The following TRHDE variants were observed in gnomAD, a reference collection of about 807,000 sequenced individuals.
TRHDE encodes thyrotropin-releasing hormone-degrading ectoenzyme.
In TRHDE, 72 loss-of-function variants were observed where a neutral mutation model predicts 125.7. The ratio of observed to expected loss-of-function variants is 0.57; its 90% CI spans 0.47 to 0.70. The LOEUF is 0.70. Among genes scored for constraint, TRHDE ranks in the 30% least tolerant of loss-of-function variants. The pLI is 0.00. For missense variants in TRHDE, 1,110 were observed against 1,327.1 expected, an observed-to-expected ratio of 0.84 and a Z score of 2.54; for synonymous variants, 509 against 509.1, an observed-to-expected ratio of 1.00 and a Z score of 0.00.
intron 15 of TRHDE, among the ~76,000 whole-genome samples, chr12:72,645,356 G>C (rs1479152238): frequency 6.6e-6 from 1 of 152,130 alleles, no homozygotes; most frequent in Non-Finnish European, 1.5e-5. Flanking sequence ...TTAAACAGCA[G>C]ATCAGACTCG....
At chr12:72,284,829 T>C (rs1318520206) in intron 1 of TRHDE, among the ~76,000 whole-genome samples, 1 of 152,198 alleles carries the variant, frequency 6.6e-6, no homozygotes, top group African/African-American at 2.4e-5. Flanking sequence ...CTCATATTCA[T>C]ATGAAGATTT....
intron 4 of TRHDE, among the ~76,000 whole-genome samples, chr12:72,470,602 A>G (rs1178496919): frequency 6.6e-6 from 1 of 152,190 alleles, no homozygotes; most frequent in African/African-American, 2.4e-5. Context: ...ATAGACGTCC[A>G]TGCCAATAGA....
intron 2 of TRHDE, among the ~76,000 whole-genome samples, chr12:72,205,980 G>A (rs1049543500): frequency 1.3e-5 from 2 of 152,016 alleles, no homozygotes; most frequent in Non-Finnish European, 2.9e-5. Flanking sequence ...TACTGCACAA[G>A]GGTTTCAATT....
chr12:72,155,830 T>A (rs1304839730), intron 2 of TRHDE, among the ~76,000 whole-genome samples: 1 of 152,200 alleles, frequency 6.6e-6, no homozygotes, highest in Non-Finnish European at 1.5e-5. Flanking sequence ...GTTAGGCTAC[T>A]CTGGGGTCAG....
chr12:72,446,516 C>T (rs1875294747), intron 3 of TRHDE, among the ~76,000 whole-genome samples: 1 of 151,888 alleles, frequency 6.6e-6, no homozygotes, highest in East Asian at 1.9e-4. Context: ...CAATATTAAC[C>T]TTACATGTAA....
chr12:72,473,245 T>C, intron 5 of TRHDE, 65 bp downstream of exon 5: 2 of 1,260,972 alleles, frequency 1.6e-6, no homozygotes, highest in East Asian at 2.4e-5. Flanking sequence ...ATTAGGCTTA[T>C]ACCATCCTTA....
chr12:72,325,411 A>G (rs1284850461), intron 2 of TRHDE, among the ~76,000 whole-genome samples: 2 of 152,176 alleles, frequency 1.3e-5, no homozygotes, highest in Non-Finnish European at 2.9e-5. Context: ...ATTAAAACAA[A>G]TGAACAGTTC....
At chr12:72,504,085 A>G (rs747055021) in intron 6 of TRHDE, among the ~76,000 whole-genome samples, 3 of 152,176 alleles carry the variant, frequency 2.0e-5, no homozygotes, top group Non-Finnish European at 4.4e-5. Flanking sequence ...TATGACAGAA[A>G]TATATACAAG....
chr12:72,534,825 A>G (rs1156702926), intron 6 of TRHDE, among the ~76,000 whole-genome samples: 2 of 151,928 alleles, frequency 1.3e-5, no homozygotes, highest in African/African-American at 2.4e-5. Flanking sequence ...TAGGATCACA[A>G]AGGATTAACA....
intron 2 of TRHDE, among the ~76,000 whole-genome samples, chr12:72,368,454 T>C (rs1021221189): frequency 3.9e-5 from 6 of 152,168 alleles, no homozygotes; most frequent in African/African-American, 7.2e-5. Flanking sequence ...ATTTGAGTAA[T>C]TGCTCATCTT....
At chr12:72,554,450 T>C (rs1441775840) in intron 7 of TRHDE, among the ~76,000 whole-genome samples, 1 of 152,202 alleles carries the variant, frequency 6.6e-6, no homozygotes, top group Non-Finnish European at 1.5e-5. Context: ...GGAATCAGCA[T>C]GGGTTAATAA....
chr12:72,640,870 A>G (rs1874029064), intron 15 of TRHDE, among the ~76,000 whole-genome samples: 1 of 152,238 alleles, frequency 6.6e-6, no homozygotes, highest in Non-Finnish European at 1.5e-5. Flanking sequence ...CTCACTCTAA[A>G]TCAATGGCAC....
intron 2 of TRHDE, among the ~76,000 whole-genome samples, chr12:72,151,273 G>T (rs1228019793): frequency 7.9e-5 from 12 of 151,636 alleles, no homozygotes; most frequent in Non-Finnish European, 1.3e-4. Context: ...TTGTTTGAGT[G>T]CATTGTAGAT....
intron 7 of TRHDE, among the ~76,000 whole-genome samples, chr12:72,543,215 T>C (rs1467586718): frequency 1.3e-5 from 2 of 151,450 alleles, no homozygotes; most frequent in Admixed American, 1.3e-4. Flanking sequence ...ATTTTAGTAG[T>C]ATAATTCTAT....
intron 6 of TRHDE, among the ~76,000 whole-genome samples, chr12:72,504,113 G>A (rs1477857915): frequency 6.6e-6 from 1 of 152,080 alleles, no homozygotes; most frequent in Non-Finnish European, 1.5e-5. Context: ...CACGAGACAG[G>A]GGAGTAGAGG....
intron 3 of TRHDE, among the ~76,000 whole-genome samples, chr12:72,404,348 C>T (rs1873176986): frequency 6.6e-6 from 1 of 152,122 alleles, no homozygotes; most frequent in South Asian, 2.1e-4. Flanking sequence ...AGGAGAATTG[C>T]TTGACCTGGC....
At chr12:72,602,972 A>G (rs1345190397) in intron 12 of TRHDE, among the ~76,000 whole-genome samples, 1 of 152,188 alleles carries the variant, frequency 6.6e-6, no homozygotes, top group Non-Finnish European at 1.5e-5. Context: ...GTAGAAAAAT[A>G]CCAAAAGAAG....
intron 12 of TRHDE, among the ~76,000 whole-genome samples, chr12:72,597,771 A>AC (rs1463039527): frequency 3.0e-5 from 4 of 133,758 alleles, no homozygotes; most frequent in Non-Finnish European, 4.9e-5. Flanking sequence ...ATACACACAC[A>AC]AATACATATG....
In TRHDE at chr12:72,300,365, TACACAC is replaced by T. The variant is rs10642447; in HGVS notation, c.1188+13441_1188+13446del. Among the ~76,000 whole-genome samples, 642 of 102,732 alleles carry T rather than the reference TACACAC, an allele frequency of 6.2e-3. 3 individuals are homozygous for T. Among genetic ancestry groups the T allele is most frequent in the African/African-American group, 0.019 (550 of 29,270 alleles). The allele number at this position is 102,732 out of a possible 152,430, so 67.4% of individuals were successfully genotyped here. The stretch of plus-strand genomic sequence containing the variant: ...CACACTCATATAAAATATATGTGTA[TACACAC>T]ACACACACACACACACACACACACA... On this transcript the variant is annotated intron_variant, in intron 2 of 18. Transcript: ENST00000261180.
Sources: gnomAD v4.1 joint callset for allele counts (sites outside exome capture counted in the v4.1 genomes callset) on GRCh38, gnomAD v4.1.1 for gene constraint, MANE v1.5 for transcripts, NCBI Gene and HGNC (gene_info 2026-07-23, HGNC 2026-07-21) for gene names.